Variants in KCTD8 observed in about 807,000 individuals in gnomAD.
The protein encoded by KCTD8 is BTB/POZ domain-containing protein KCTD8.
KCTD8 carries 27 observed loss-of-function variants against 31.5 expected under a neutral mutation model. The ratio of observed to expected loss-of-function variants is 0.86; its 90% CI spans 0.63 to 1.18. KCTD8 has a LOEUF of 1.18. Ranked by LOEUF, KCTD8 falls within the 50% of genes most tolerant of loss-of-function variation. The pLI, the probability that KCTD8 is intolerant of heterozygous loss-of-function variation, is 0.00. For missense variants in KCTD8, 658 were observed against 647.7 expected, an observed-to-expected ratio of 1.02 and a Z score of -0.17; for synonymous variants, 290 against 280.0, an observed-to-expected ratio of 1.04 and a Z score of -0.36.
chr4:44,302,536 T>A (rs1186071168), intron 1 of KCTD8, among the ~76,000 whole-genome samples: 2 of 152,130 alleles, frequency 1.3e-5, no homozygotes, highest in Non-Finnish European at 2.9e-5. Flanking sequence ...TATTGGTGTA[T>A]AAGAATGCTT....
At position 44,448,442 on chromosome 4, in the gene KCTD8, C is replaced by G. The variant is rs1347779632; in HGVS notation, c.82G>C (p.Ala28Pro). Residue 28 changes from alanine (A) to proline (P), a missense_variant, in exon 1 of 2, where the codon GCG becomes CCG. By Grantham distance (27) the Ala-to-Pro change is conservative (BLOSUM62 -1). Coordinates refer to ENST00000360029, the MANE Select transcript of KCTD8 (RefSeq NM_198353.3). This position sits in a 1 kb window ranked among gnomAD's most constrained non-coding sequence, Gnocchi z 4.1. ...GGCCCCGGGGCGGCGGCGGCCGACG[C>G]GCCGGGCGAGCTGGACGAGGAAACC... ...EMVSSSSSPG[A>P]SAAAAPGPCA... 6.5e-7 allele frequency: 1 copy of G among 1,546,758 alleles called. No individual in the cohort carries two copies. The highest frequency in any genetic ancestry group is 8.7e-7 in the Non-Finnish European group (1 of 1,154,706).
intron 1 of KCTD8, among the ~76,000 whole-genome samples, chr4:44,192,964 G>C (rs1713809379): frequency 6.6e-6 from 1 of 152,136 alleles, no homozygotes; most frequent in Admixed American, 6.5e-5. Flanking sequence ...TGGCTTCCTT[G>C]CTCTTCAGCT....
chr4:44,398,578 AGCCTT>A (rs946473347), intron 1 of KCTD8, among the ~76,000 whole-genome samples: 1 of 152,228 alleles, frequency 6.6e-6, no homozygotes, highest in African/African-American at 2.4e-5. Context: ...CCATTATAGC[AGCCTT>A]TCAACTCTAT....
At chr4:44,246,825 C>T (rs1292578072) in intron 1 of KCTD8, among the ~76,000 whole-genome samples, 1 of 151,986 alleles carries the variant, frequency 6.6e-6, no homozygotes, top group Non-Finnish European at 1.5e-5. Flanking sequence ...TCCCTGTGAC[C>T]TTTGAGATGT....
intron 1 of KCTD8, among the ~76,000 whole-genome samples, chr4:44,330,709 G>T (rs1266118132): frequency 1.3e-5 from 2 of 151,704 alleles, no homozygotes; most frequent in Non-Finnish European, 2.9e-5. Context: ...CTACCAAAAA[G>T]GTTGCTATAA....
intron 1 of KCTD8, among the ~76,000 whole-genome samples, chr4:44,407,030 T>C (rs955140228): frequency 6.6e-6 from 1 of 152,256 alleles, no homozygotes; most frequent in African/African-American, 2.4e-5. Context: ...CCTAATATCC[T>C]AGTAGGCATG....
chr4:44,273,656 T>G (rs994458311), intron 1 of KCTD8, among the ~76,000 whole-genome samples: 3 of 151,994 alleles, frequency 2.0e-5, no homozygotes, highest in Non-Finnish European at 2.9e-5. Context: ...TTTTTCCCAC[T>G]GACAATTGGA....
At chr4:44,235,569 ATATATATT>A (rs1184404694) in intron 1 of KCTD8, among the ~76,000 whole-genome samples, 24 of 73,252 alleles carry the variant, frequency 3.3e-4, no homozygotes, top group African/African-American at 1.0e-3. Flanking sequence ...ATATATATAT[ATATATATT>A]TAGAGAGAGA....
intron 1 of KCTD8, among the ~76,000 whole-genome samples, chr4:44,446,112 T>G (rs1178512885): frequency 6.6e-6 from 1 of 152,198 alleles, no homozygotes; most frequent in Admixed American, 6.5e-5. Context: ...CTTTAAAAAG[T>G]AGTCTAACTC....
intron 1 of KCTD8, among the ~76,000 whole-genome samples, chr4:44,380,937 T>C (rs948648858): frequency 3.9e-5 from 6 of 152,156 alleles, no homozygotes; most frequent in African/African-American, 1.4e-4. Context: ...ATTAGAATTA[T>C]GAAGTCATGT....
At chr4:44,281,911 T>C (rs1240074237) in intron 1 of KCTD8, among the ~76,000 whole-genome samples, 1 of 152,134 alleles carries the variant, frequency 6.6e-6, no homozygotes, top group African/African-American at 2.4e-5. Context: ...TATTTCTAGT[T>C]CTAGGACTCT....
intron 1 of KCTD8, among the ~76,000 whole-genome samples, chr4:44,352,232 G>C (rs1175199595): frequency 2.6e-5 from 4 of 151,918 alleles, no homozygotes; most frequent in African/African-American, 9.7e-5. Context: ...TCAGTGGTCT[G>C]TTTGGGTTCC....
chr4:44,343,935 T>C (rs1718971566), intron 1 of KCTD8, among the ~76,000 whole-genome samples: 1 of 152,080 alleles, frequency 6.6e-6, no homozygotes, highest in Admixed American at 6.5e-5. Flanking sequence ...CTCAGCTCAC[T>C]GAAACCTCTG....
chr4:44,366,823 G>C, intron 1 of KCTD8, among the ~76,000 whole-genome samples: 1 of 152,030 alleles, frequency 6.6e-6, no homozygotes, highest in South Asian at 2.1e-4. Context: ...AAATCCCACC[G>C]TATGGCAGGT....
intron 1 of KCTD8, among the ~76,000 whole-genome samples, chr4:44,314,338 T>C (rs1183715352): frequency 6.6e-6 from 1 of 152,134 alleles, no homozygotes; most frequent in Non-Finnish European, 1.5e-5. Flanking sequence ...TAGTTAGATA[T>C]ATTAGGCTGA....
chr4:44,442,650 C>A (rs755406349), intron 1 of KCTD8, among the ~76,000 whole-genome samples: 1 of 152,118 alleles, frequency 6.6e-6, no homozygotes, highest in South Asian at 2.1e-4. Flanking sequence ...GACAAGCAGA[C>A]AATCATTTTC....
At chr4:44,229,161 T>C (rs565133743) in intron 1 of KCTD8, among the ~76,000 whole-genome samples, 1 of 152,284 alleles carries the variant, frequency 6.6e-6, no homozygotes, top group Non-Finnish European at 1.5e-5. Flanking sequence ...CAACTACAGC[T>C]GTTTCAGGTA....
chr4:44,292,700 A>C (rs938846563), intron 1 of KCTD8, among the ~76,000 whole-genome samples: 4 of 152,132 alleles, frequency 2.6e-5, no homozygotes, highest in African/African-American at 9.7e-5. Flanking sequence ...TAGTTATTAC[A>C]ACTAGGTATG....
chr4:44,382,898 T>C (rs1720111474), intron 1 of KCTD8, among the ~76,000 whole-genome samples: 1 of 151,928 alleles, frequency 6.6e-6, no homozygotes, highest in Non-Finnish European at 1.5e-5. Context: ...CATGATCTCA[T>C]ATGTAGAAAA....
Sources: gnomAD v4.1 joint callset for allele counts (sites outside exome capture counted in the v4.1 genomes callset) on GRCh38, gnomAD v4.1.1 for gene constraint, Gnocchi (gnomAD v3.1) non-coding constraint, MANE v1.5 for transcripts, NCBI Gene and HGNC (gene_info 2026-07-23, HGNC 2026-07-21) for gene names.